The following NAPEPLD variants were observed in gnomAD, a reference collection of about 807,000 sequenced individuals.
NAPEPLD encodes the protein N-acyl-phosphatidylethanolamine-hydrolyzing phospholipase D.
In NAPEPLD, 23 loss-of-function variants were observed where a neutral mutation model predicts 38.1. The ratio of observed to expected loss-of-function variants is 0.60; its 90% CI spans 0.43 to 0.86. The LOEUF (loss-of-function observed/expected upper bound fraction) is 0.86. NAPEPLD is among the 40% of genes least tolerant of loss of function. NAPEPLD has a pLI of 0.00. For missense variants in NAPEPLD, 411 were observed against 476.8 expected (o/e 0.86, Z 1.28); for synonymous variants, 147 against 162.0 (o/e 0.91, Z 0.71).
chr7:103,141,589 G>A, intron 1 of NAPEPLD: 2 of 983,000 alleles, frequency 2.0e-6, no homozygotes, highest in Admixed American at 3.4e-5. Flanking sequence ...GATACATGCG[G>A]CGATCAATCT....
At chr7:103,106,155 T>C (rs1803289044) in intron 4 of NAPEPLD, among the ~76,000 whole-genome samples, 1 of 151,826 alleles carries the variant, frequency 6.6e-6, no homozygotes, top group Non-Finnish European at 1.5e-5. Flanking sequence ...GGGAATTCTC[T>C]CCCCTACCCA....
intron 1 of NAPEPLD, among the ~76,000 whole-genome samples, chr7:103,130,797 G>A (rs761058398): frequency 1.3e-5 from 2 of 151,974 alleles, no homozygotes; most frequent in Admixed American, 6.6e-5. Context: ...GGGTTTCACC[G>A]TGTTACCCAG....
At position 103,128,646 on chromosome 7, in the gene NAPEPLD, A is replaced by C; in HGVS notation, c.131T>G (p.Phe44Cys). Residue 44 changes from phenylalanine (F) to cysteine (C), a missense_variant, in exon 2 of 5, where the codon TTC becomes TGC. Transcript: ENST00000465647. ...SDSSRFSRKSFKLDYRLEEDV... is the reference protein window; with the variant it reads ...SDSSRFSRKSCKLDYRLEEDV... ...TTCTTCTAGTCTATAATCCAGTTTGAAGCTTTTCCTAGAAAACCTAGAAGA... is the reference window on the plus strand; with the variant it reads ...TTCTTCTAGTCTATAATCCAGTTTGCAGCTTTTCCTAGAAAACCTAGAAGA... 4 of 1,614,182 alleles carry C rather than the reference A, an allele frequency of 2.5e-6. No individual in the cohort carries two copies. Among genetic ancestry groups the C allele is most frequent in the Non-Finnish European group, 3.4e-6 (4 of 1,180,026 alleles).
intron 1 of NAPEPLD, among the ~76,000 whole-genome samples, chr7:103,138,443 C>T (rs1168363040): frequency 2.0e-5 from 3 of 151,206 alleles, no homozygotes; most frequent in East Asian, 2.0e-4. Context: ...CAGTCCAGTT[C>T]CCACTTTGAC....
At chr7:103,117,052 A>G (rs1461678400) in intron 3 of NAPEPLD, among the ~76,000 whole-genome samples, 1 of 152,262 alleles carries the variant, frequency 6.6e-6, no homozygotes, top group African/African-American at 2.4e-5. Context: ...CTTCCAAGCC[A>G]TCAGTTTCAA....
At chr7:103,120,701 CTTTTTTTTTTTTT>C (rs869141133) in intron 2 of NAPEPLD, among the ~76,000 whole-genome samples, 3,318 of 82,618 alleles carry the variant, frequency 0.04, 214 homozygotes, top group African/African-American at 0.14. Flanking sequence ...TGATATTTTT[CTTTTTTTTTTTTT>C]TTTTTTTTTT....
intron 3 of NAPEPLD, among the ~76,000 whole-genome samples, chr7:103,116,631 T>C (rs1038179277): frequency 2.0e-5 from 3 of 152,236 alleles, no homozygotes; most frequent in African/African-American, 7.2e-5. Flanking sequence ...AGAAATTTTA[T>C]TTAATCATAA....
chr7:103,141,822 G>T, intron 1 of NAPEPLD: 1 of 928,026 alleles, frequency 1.1e-6, no homozygotes, highest in Non-Finnish European at 1.8e-6. Context: ...TTCCGGATCT[G>T]CTGACGGGAG....
rs143177915 is a variant in NAPEPLD at position 103,134,374 on chromosome 7, G to A, written c.-16-5582C>T. 1.2e-3 allele frequency among the ~76,000 whole-genome samples: 188 copies of A among 152,270 alleles called. 7 individuals are homozygous for A. In the East Asian group the frequency reaches 0.036, roughly 29 times the overall value. On this transcript the variant is annotated intron_variant, in intron 1 of 4. Coordinates refer to ENST00000465647, the MANE Select transcript of NAPEPLD (RefSeq NM_001122838.3). ...TATAAAATACAAATGTTCTAGCCAGGCACAGTGGCTCATGCCTGTAATCCC... is the reference window on the plus strand; with the variant it reads ...TATAAAATACAAATGTTCTAGCCAGACACAGTGGCTCATGCCTGTAATCCC...
intron 1 of NAPEPLD, among the ~76,000 whole-genome samples, chr7:103,140,567 G>A (rs1416969094): frequency 6.6e-6 from 1 of 151,690 alleles, no homozygotes; most frequent in African/African-American, 2.4e-5. Context: ...TAATTTTTTT[G>A]TATTTTTAGT....
chr7:103,112,025 T>G (rs1383706290), intron 4 of NAPEPLD, among the ~76,000 whole-genome samples: 1 of 152,044 alleles, frequency 6.6e-6, no homozygotes, highest in Non-Finnish European at 1.5e-5. Flanking sequence ...TCACTGGTCA[T>G]TAGAGAAATG....
At chr7:103,142,007 C>T in intron 1 of NAPEPLD, 1 of 642,446 alleles carries the variant, frequency 1.6e-6, no homozygotes, top group Non-Finnish European at 2.8e-6. Context: ...CCAGAGGCTA[C>T]TGAATCAAAA....
intron 4 of NAPEPLD, among the ~76,000 whole-genome samples, chr7:103,103,916 C>A (rs1289078603): frequency 1.3e-5 from 2 of 152,164 alleles, no homozygotes; most frequent in Non-Finnish European, 2.9e-5. Context: ...ATGTTACTAA[C>A]ATTTTTGAAA....
At chr7:103,138,266 C>G (rs1160851301) in intron 1 of NAPEPLD, among the ~76,000 whole-genome samples, 1 of 144,016 alleles carries the variant, frequency 6.9e-6, no homozygotes, top group Non-Finnish European at 1.6e-5. Flanking sequence ...CAAAATGGGA[C>G]TACTTTCTCT....
chr7:103,104,844 C>CT (rs1234222000), intron 4 of NAPEPLD, among the ~76,000 whole-genome samples: 3 of 152,104 alleles, frequency 2.0e-5, no homozygotes, highest in South Asian at 4.1e-4. Flanking sequence ...AAATGATGAG[C>CT]TTTTTTCCCA....
At chr7:103,126,446 G>A (rs1226387084) in intron 2 of NAPEPLD, among the ~76,000 whole-genome samples, 1 of 152,110 alleles carries the variant, frequency 6.6e-6, no homozygotes, top group Non-Finnish European at 1.5e-5. Context: ...TAATGCCTAT[G>A]TGCCAATGGC....
At chr7:103,128,398 T>G (rs1585870550) in intron 2 of NAPEPLD, 85 bp downstream of exon 2, 2 of 1,468,058 alleles carry the variant, frequency 1.4e-6, no homozygotes, top group African/African-American at 2.8e-5. Context: ...CCTAATTCTA[T>G]GCCTTATGAT....
At chr7:103,137,686 C>T (rs555605086) in intron 1 of NAPEPLD, among the ~76,000 whole-genome samples, 7 of 151,712 alleles carry the variant, frequency 4.6e-5, no homozygotes, top group South Asian at 4.2e-4. Flanking sequence ...TGTGGTGGTG[C>T]GCATCTGTAG....
intron 1 of NAPEPLD, among the ~76,000 whole-genome samples, chr7:103,146,298 T>C (rs144164295): frequency 4.0e-5 from 6 of 151,762 alleles, no homozygotes; most frequent in African/African-American, 1.5e-4. Context: ...TCAGCCGAGA[T>C]TGCCCCACCG....
Sources: gnomAD v4.1 joint callset for allele counts (sites outside exome capture counted in the v4.1 genomes callset) on GRCh38, gnomAD v4.1.1 for gene constraint, MANE v1.5 for transcripts, NCBI Gene and HGNC (gene_info 2026-07-23, HGNC 2026-07-21) for gene names.